Variants in RARB observed in about 807,000 individuals in gnomAD.
The protein encoded by RARB is HBV-activated protein.
RARB carries 17 observed loss-of-function variants against 51.9 expected under a neutral mutation model. That is an observed-to-expected ratio of 0.33 (90% confidence interval 0.22 to 0.49). The LOEUF (loss-of-function observed/expected upper bound fraction) is 0.49. Ranked by LOEUF, RARB falls within the 20% of genes least tolerant of loss-of-function variation. The pLI, the probability that RARB is intolerant of heterozygous loss-of-function variation, is 0.99. For synonymous variants in RARB, 215 were observed against 195.4 expected (o/e 1.10, Z -0.84); for missense variants, 369 against 550.8 (o/e 0.67, Z 3.30).
chr3:25,143,724 G>T (rs1378530635), intron 4 of RARB, among the ~76,000 whole-genome samples: 1 of 152,192 alleles, frequency 6.6e-6, no homozygotes, highest in Non-Finnish European at 1.5e-5. Context: ...GCGTACTTTG[G>T]AATTAGACTG....
intron 2 of RARB, among the ~76,000 whole-genome samples, chr3:25,471,218 C>T (rs1196155030): frequency 6.6e-6 from 1 of 152,150 alleles, no homozygotes. Flanking sequence ...TTTCTGCCTT[C>T]TACCTCAGTT....
intron 3 of RARB, among the ~76,000 whole-genome samples, chr3:25,118,853 C>T (rs895338666): frequency 1.3e-5 from 2 of 151,876 alleles, no homozygotes; most frequent in Middle Eastern, 3.4e-3. Flanking sequence ...CAGAGTTTCC[C>T]GTTTTAAGGT....
chr3:24,937,717 C>T (rs1407347327), intron 2 of RARB, among the ~76,000 whole-genome samples: 1 of 152,086 alleles, frequency 6.6e-6, no homozygotes, highest in East Asian at 1.9e-4. Flanking sequence ...GTTGGGGCAT[C>T]CTTATGCAGC....
upstream of RARB, among the ~76,000 whole-genome samples, chr3:25,423,619 T>G (rs1707916243): frequency 1.3e-5 from 2 of 152,256 alleles, no homozygotes; most frequent in South Asian, 4.1e-4. Context: ...AGAGGACTTT[T>G]ACTTTTCACT....
chr3:25,501,031 C>T (rs1165958039), intron 2 of RARB, 151 bp from the exon 3 acceptor site: 17 of 848,024 alleles, frequency 2.0e-5, no homozygotes, highest in Non-Finnish European at 2.9e-5. Context: ...TGATATCTCA[C>T]GAGGATTTTA....
chr3:25,256,060 T>C (rs903630661), intron 5 of RARB, among the ~76,000 whole-genome samples: 1 of 152,174 alleles, frequency 6.6e-6, no homozygotes, highest in African/African-American at 2.4e-5. Context: ...GTAGGAATGA[T>C]GTCACACATT....
intron 5 of RARB, among the ~76,000 whole-genome samples, chr3:25,366,141 C>T (rs1706112462): frequency 6.6e-6 from 1 of 152,198 alleles, no homozygotes; most frequent in Non-Finnish European, 1.5e-5. Context: ...TGTGCTAAGG[C>T]TTCACATCCA....
chr3:25,592,278 A>C (rs1301102597), intron 5 of RARB, among the ~76,000 whole-genome samples: 1 of 152,232 alleles, frequency 6.6e-6, no homozygotes, highest in East Asian at 1.9e-4. Flanking sequence ...TCACAGGACT[A>C]TACCCAGTCA....
intron 5 of RARB, among the ~76,000 whole-genome samples, chr3:25,262,519 T>C (rs1703025696): frequency 6.6e-6 from 1 of 152,210 alleles, no homozygotes; most frequent in African/African-American, 2.4e-5. Flanking sequence ...TTGGACATGA[T>C]CCTTGTCCTT....
At chr3:25,346,007 C>A in intron 5 of RARB, 1 of 470,400 alleles carries the variant, frequency 2.1e-6, no homozygotes, top group Non-Finnish European at 2.8e-6. Flanking sequence ...TCTTCTGACC[C>A]GGGCTGCGGT....
At chr3:25,544,201 GA>G (rs776468895) in intron 3 of RARB, among the ~76,000 whole-genome samples, 2 of 151,904 alleles carry the variant, frequency 1.3e-5, no homozygotes, top group Non-Finnish European at 2.9e-5. Flanking sequence ...TATTTTTGTT[GA>G]AAAAAATACA....
intron 5 of RARB, among the ~76,000 whole-genome samples, chr3:25,189,783 G>A (rs1701054083): frequency 6.6e-6 from 1 of 152,094 alleles, no homozygotes; most frequent in Admixed American, 6.6e-5. Context: ...TACTCAGGAG[G>A]CTGAGGCAGG....
intron 3 of RARB, among the ~76,000 whole-genome samples, chr3:25,549,204 T>C (rs879145372): frequency 3.9e-5 from 6 of 152,078 alleles, no homozygotes; most frequent in South Asian, 2.1e-4. Context: ...GGGCAGCAGA[T>C]AGAACAATGA....
chr3:25,286,390 A>G (rs1703658480), intron 5 of RARB, among the ~76,000 whole-genome samples: 1 of 152,094 alleles, frequency 6.6e-6, no homozygotes, highest in African/African-American at 2.4e-5. Context: ...GCCCAGCCCA[A>G]CTTGATCCTT....
At chr3:24,879,864 G>C (rs1020393245) in intron 2 of RARB, among the ~76,000 whole-genome samples, 3 of 152,068 alleles carry the variant, frequency 2.0e-5, no homozygotes, top group African/African-American at 7.2e-5. Flanking sequence ...TTAGTTCACA[G>C]TTACATTAAG....
At chr3:24,894,626 C>T (rs1703444675) in intron 2 of RARB, among the ~76,000 whole-genome samples, 1 of 152,056 alleles carries the variant, frequency 6.6e-6, no homozygotes, top group African/African-American at 2.4e-5. Context: ...TGAATATATA[C>T]TCAGGAATGG....
At chr3:25,347,243 G>A (rs1476790807) in intron 5 of RARB, among the ~76,000 whole-genome samples, 1 of 152,170 alleles carries the variant, frequency 6.6e-6, no homozygotes, top group Non-Finnish European at 1.5e-5. Context: ...AATTACTAAG[G>A]TGTAAGGGAG....
intron 3 of RARB, among the ~76,000 whole-genome samples, chr3:25,062,294 C>T (rs1306352941): frequency 6.6e-6 from 1 of 151,816 alleles, no homozygotes; most frequent in African/African-American, 2.4e-5. Flanking sequence ...TGTGTTTTGC[C>T]TTTTATTGAC....
intron 1 of RARB, chr3:25,458,436 C>CAGTG (rs1374024477): frequency 6.6e-6 from 1 of 152,164 alleles, no homozygotes; most frequent in African/African-American, 2.4e-5. Flanking sequence ...TTTTAATAGA[C>CAGTG]AGTGATACAT....
Sources: gnomAD v4.1 joint callset for allele counts (sites outside exome capture counted in the v4.1 genomes callset) on GRCh38, gnomAD v4.1.1 for gene constraint, MANE v1.5 for transcripts, NCBI Gene and HGNC (gene_info 2026-07-23, HGNC 2026-07-21) for gene names.